SBF2: variants seen among roughly 807,000 people sequenced by gnomAD.
SBF2 encodes the protein myotubularin-related protein 13.
Under a neutral mutation model 225.2 loss-of-function variants are expected in SBF2, and 112 were observed. The ratio of observed to expected loss-of-function variants is 0.50; its 90% CI spans 0.43 to 0.58. SBF2 has a LOEUF of 0.58. Ranked by LOEUF, SBF2 falls within the 20% of genes least tolerant of loss-of-function variation. The pLI is 0.00. For synonymous variants in SBF2, 763 were observed against 773.3 expected (o/e 0.99, Z 0.22); for missense variants, 1,996 against 2,206.2 (o/e 0.90, Z 1.91).
rs1048725630 is a variant in SBF2 at position 9,780,422 on chromosome 11, G to A, written c.5546C>T (p.Ala1849Val). ...MDKIQSCISD[A>V] Reference sequence around the variant, plus strand: ...TGCGTGGGTTGACCATGGGCATCAGGCATCAGAGATACAACTCTGGATCTT... The same window carrying A: ...TGCGTGGGTTGACCATGGGCATCAGACATCAGAGATACAACTCTGGATCTT... The change falls in exon 40 of 40, where the codon GCC becomes GTC. Residue 1849 changes from alanine (A) to valine (V), a missense_variant. Physicochemically the swap from Ala to Val is moderately conservative, Grantham distance 64. Coordinates refer to ENST00000256190, the MANE Select transcript of SBF2 (RefSeq NM_030962.4). 14 of 1,613,084 alleles carry A rather than the reference G, an allele frequency of 8.7e-6. No homozygotes were observed. In the Admixed American group the frequency reaches 1.0e-4, roughly 12 times the overall value.
chr11:9,994,145 C>T (rs771065665), intron 9 of SBF2, 147 bp from the exon 10 acceptor site: 18 of 718,638 alleles, frequency 2.5e-5, no homozygotes, highest in Non-Finnish European at 3.8e-5. Flanking sequence ...TCTATATGTA[C>T]TATTGTAGAA....
chr11:10,177,497 C>T (rs1396892357), intron 2 of SBF2, among the ~76,000 whole-genome samples: 1 of 150,536 alleles, frequency 6.6e-6, no homozygotes, highest in Non-Finnish European at 1.5e-5. Flanking sequence ...AGCAAAGTCT[C>T]AGCATACAAA....
chr11:9,936,659 T>C (rs1043093316), intron 16 of SBF2, among the ~76,000 whole-genome samples: 2 of 152,192 alleles, frequency 1.3e-5, no homozygotes, highest in African/African-American at 2.4e-5. Context: ...TGCAGGGATA[T>C]GGATGAGGCT....
chr11:10,127,085 G>T (rs1953792297), intron 2 of SBF2, among the ~76,000 whole-genome samples: 1 of 152,028 alleles, frequency 6.6e-6, no homozygotes, highest in South Asian at 2.1e-4. Context: ...TTCAGTTTCG[G>T]ATGATGGAAA....
intron 1 of SBF2, among the ~76,000 whole-genome samples, chr11:10,292,203 T>C (rs10840387): frequency 6.6e-6 from 1 of 152,236 alleles, no homozygotes; most frequent in Admixed American, 6.5e-5. Context: ...ACTGTATCAC[T>C]ATCCATTTCC....
chr11:10,001,102 G>A lies in SBF2; in HGVS notation c.753-80C>T, dbSNP rs140138632. On this transcript the variant is annotated intron_variant, in intron 7 of 39. Coordinates refer to ENST00000256190, the MANE Select transcript of SBF2 (RefSeq NM_030962.4). ...TTCTTTCATCTTTATGCTGTGTTAA[G>A]TTTTATATTACCTATGTTTAGAAAT... 6,471 of 761,392 alleles carry A rather than the reference G, an allele frequency of 8.5e-3. 45 individuals are homozygous for A. The highest frequency in any genetic ancestry group is 0.012 in the Non-Finnish European group (5,142 of 433,316). 47.2% of individuals were successfully genotyped at this position (761,392 alleles called of 1,614,324 possible).
chr11:9,991,494 T>A (rs1419528557), intron 12 of SBF2, among the ~76,000 whole-genome samples: 2 of 152,172 alleles, frequency 1.3e-5, no homozygotes, highest in Non-Finnish European at 2.9e-5. Flanking sequence ...CTGCCACGAT[T>A]CTCCAATATC....
intron 2 of SBF2, among the ~76,000 whole-genome samples, chr11:10,067,811 G>A (rs532354005): frequency 1.3e-5 from 2 of 152,140 alleles, no homozygotes; most frequent in East Asian, 3.9e-4. Flanking sequence ...AGGATCAATT[G>A]AGCCCAAAAG....
At chr11:10,165,720 G>A (rs973322713) in intron 2 of SBF2, among the ~76,000 whole-genome samples, 1 of 151,990 alleles carries the variant, frequency 6.6e-6, no homozygotes, top group Non-Finnish European at 1.5e-5. Flanking sequence ...TCCACATTCT[G>A]CCCTGCCTAA....
intron 32 of SBF2, among the ~76,000 whole-genome samples, chr11:9,806,394 A>T (rs545331945): frequency 6.8e-6 from 1 of 147,260 alleles, no homozygotes; most frequent in Admixed American, 6.6e-5. Flanking sequence ...ATAAAAAAGC[A>T]AGATAAGAAG....
At chr11:9,976,092 G>A (rs533779253) in intron 13 of SBF2, among the ~76,000 whole-genome samples, 135 of 35,806 alleles carry the variant, frequency 3.8e-3, no homozygotes, top group African/African-American at 0.015. Flanking sequence ...TTTTTTTTTT[G>A]AGACGAAGTC....
At chr11:10,261,683 A>G (rs1312969111) in intron 1 of SBF2, among the ~76,000 whole-genome samples, 1 of 152,250 alleles carries the variant, frequency 6.6e-6, no homozygotes, top group Non-Finnish European at 1.5e-5. Flanking sequence ...AAGAATATTC[A>G]TAGCAGTTTA....
intron 1 of SBF2, among the ~76,000 whole-genome samples, chr11:10,271,199 T>TAGGAGAATGACAAGTCGTTCACTGTAAC (rs1591343652): frequency 7.4e-5 from 8 of 108,786 alleles, no homozygotes; most frequent in Admixed American, 1.9e-4. Context: ...CTTGATTCTT[T>TAGGAGAATGACAAGTCGTTCACTGTAAC]TTTTTTTTTT....
chr11:10,204,657 C>CAAAA (rs75767484), intron 1 of SBF2, among the ~76,000 whole-genome samples: 1 of 136,948 alleles, frequency 7.3e-6, no homozygotes. Context: ...CACTCCATCT[C>CAAAA]AAAAAAAAAA....
intron 16 of SBF2, among the ~76,000 whole-genome samples, chr11:9,901,413 C>T (rs930571396): frequency 6.6e-6 from 1 of 152,170 alleles, no homozygotes; most frequent in African/African-American, 2.4e-5. Context: ...GAATAGACCC[C>T]TGGCCAAAGG....
Position 9,998,301 on chromosome 11 carries a change from G to T in SBF2, c.940C>A (p.Pro314Thr). ...ECIHLSSLPEPLLHQTQSALS... is the reference protein window; with the variant it reads ...ECIHLSSLPETLLHQTQSALS... ...GCTGATTGAGTCTGATGTAGAAGTG[G>T]TTCTGGGAGGGAAGAGAGGTGAATA... The change falls in exon 9 of 40, where the codon CCA (proline) becomes ACA (threonine). Residue 314 changes from proline to threonine, a missense_variant. By Grantham distance (38) the Pro-to-Thr change is conservative. Transcript: ENST00000256190. The T allele has an allele frequency of 6.2e-7, 1 of 1,606,740 alleles. No individual in the cohort carries two copies. Among genetic ancestry groups the T allele is most frequent in the East Asian group, 2.2e-5 (1 of 44,802 alleles).
chr11:9,865,141 T>C (rs960906934), intron 17 of SBF2, among the ~76,000 whole-genome samples: 1 of 152,312 alleles, frequency 6.6e-6, no homozygotes, highest in East Asian at 1.9e-4. Context: ...GACAACTTTA[T>C]ACAAGTAGTA....
At chr11:9,862,906 G>A (rs556758574) in intron 17 of SBF2, among the ~76,000 whole-genome samples, 7 of 152,234 alleles carry the variant, frequency 4.6e-5, no homozygotes, top group Admixed American at 3.3e-4. Context: ...CTGAGGGTGT[G>A]AGATGGTGGT....
chr11:10,184,061 C>T (rs78384228), intron 2 of SBF2, among the ~76,000 whole-genome samples: 11,207 of 152,200 alleles, frequency 0.074, 600 homozygotes, highest in East Asian at 0.28. Context: ...CACCATTATA[C>T]ATTGCATACA....
Sources: allele counts gnomAD v4.1 joint callset (sites outside exome capture counted in the v4.1 genomes callset), GRCh38; gene constraint gnomAD v4.1.1; transcripts MANE v1.5; gene names NCBI Gene and HGNC (gene_info 2026-07-23, HGNC 2026-07-21).